Variants in MAPDA observed in about 807,000 individuals in gnomAD.
The protein encoded by MAPDA is N6,N6-dimethyl-AMP deaminase.
At chr15:43,337,957 A>G in the MAPDA span, among the ~76,000 whole-genome samples, 1 of 152,220 alleles carries the variant, frequency 6.6e-6, no homozygotes, top group African/African-American at 2.4e-5. Flanking sequence ...TTTATAGGGA[A>G]CCAAAAGGGC....
chr15:43,340,363 T>G, the MAPDA span: 1 of 1,606,246 alleles, frequency 6.2e-7, no homozygotes, highest in Non-Finnish European at 8.5e-7. Flanking sequence ...GTAGAATTTA[T>G]ACTTCTCAGC....
the MAPDA span, chr15:43,346,985 A>C: frequency 1.3e-5 from 21 of 1,574,484 alleles, no homozygotes; most frequent in Admixed American, 2.4e-4. Flanking sequence ...CAGAATTCTC[A>C]TGCATCCTTA....
chr15:43,347,855 G>T, the MAPDA span, among the ~76,000 whole-genome samples: 1 of 152,154 alleles, frequency 6.6e-6, no homozygotes, highest in East Asian at 1.9e-4. Flanking sequence ...TATCTTTCAT[G>T]TCTATAAGCA....
chr15:43,340,029 T>C, the MAPDA span, among the ~76,000 whole-genome samples: 2 of 152,302 alleles, frequency 1.3e-5, no homozygotes, highest in Admixed American at 1.3e-4. Context: ...GTAGCTGATG[T>C]GCAGATTGGG....
the MAPDA span, chr15:43,335,028 A>G: frequency 7.0e-7 from 1 of 1,429,220 alleles, no homozygotes; most frequent in East Asian, 2.3e-5. Context: ...ATTCAGTACC[A>G]TACAATTTAC....
At chr15:43,353,180 C>G in the MAPDA span, 5 of 152,132 alleles carry the variant, frequency 3.3e-5, no homozygotes, top group Non-Finnish European at 5.9e-5. Flanking sequence ...CCTACCCCTA[C>G]ATAATGGACC....
the MAPDA span, chr15:43,345,808 C>A: frequency 6.2e-7 from 1 of 1,610,410 alleles, no homozygotes; most frequent in Non-Finnish European, 8.5e-7. Flanking sequence ...TTGTCTTTTT[C>A]ATCTGTGTCA....
At chr15:43,344,266 A>G in the MAPDA span, among the ~76,000 whole-genome samples, 1 of 147,960 alleles carries the variant, frequency 6.8e-6, no homozygotes, top group African/African-American at 2.4e-5. Context: ...ATTAGAAAAT[A>G]GCTTAAAATA....
chr15:43,341,665 C>A, the MAPDA span, among the ~76,000 whole-genome samples: 2 of 151,114 alleles, frequency 1.3e-5, no homozygotes, highest in Non-Finnish European at 2.9e-5. Flanking sequence ...ATCATAAGAC[C>A]CCCCCCACCT....
the MAPDA span, chr15:43,340,151 A>G: frequency 2.1e-6 from 2 of 930,658 alleles, no homozygotes; most frequent in East Asian, 5.2e-5. Flanking sequence ...AGAAACTTCC[A>G]ACATTACTTG....
the MAPDA span, among the ~76,000 whole-genome samples, chr15:43,343,378 G>T: frequency 6.6e-6 from 1 of 152,186 alleles, no homozygotes; most frequent in African/African-American, 2.4e-5. Context: ...TGTTACTTCA[G>T]CAGCTCATCT....
the MAPDA span, among the ~76,000 whole-genome samples, chr15:43,340,737 C>A: frequency 6.6e-6 from 1 of 152,148 alleles, no homozygotes; most frequent in Non-Finnish European, 1.5e-5. Flanking sequence ...TAGTAAAATT[C>A]CAGTCAGGCA....
the MAPDA span, chr15:43,351,253 G>A: frequency 4.0e-6 from 2 of 505,180 alleles, no homozygotes; most frequent in South Asian, 4.8e-5. Context: ...TTGAACCCAG[G>A]AGGAGGAGGT....
the MAPDA span, among the ~76,000 whole-genome samples, chr15:43,334,633 T>TAATA: frequency 6.1e-5 from 4 of 65,142 alleles, no homozygotes; most frequent in Admixed American, 3.7e-4. Context: ...CTCAAAAAAA[T>TAATA]TATATATATA....
chr15:43,335,732 C>T, the MAPDA span: 1 of 1,613,718 alleles, frequency 6.2e-7, no homozygotes, highest in South Asian at 1.1e-5. Context: ...CATTAGTTCT[C>T]ATACCATGAA....
chr15:43,340,453 A>G, the MAPDA span: 8 of 930,050 alleles, frequency 8.6e-6, no homozygotes, highest in Non-Finnish European at 1.2e-5. Flanking sequence ...CTTTTATACT[A>G]TTGTGTTGTT....
At chr15:43,341,670 C>G in the MAPDA span, among the ~76,000 whole-genome samples, 3 of 151,710 alleles carry the variant, frequency 2.0e-5, no homozygotes, top group Admixed American at 6.6e-5. Context: ...AAGACCCCCC[C>G]CACCTCTATG....
At chr15:43,335,086 G>T in the MAPDA span, 2 of 1,611,876 alleles carry the variant, frequency 1.2e-6, no homozygotes, top group African/African-American at 2.7e-5. Flanking sequence ...GAGTGGAGAA[G>T]AATCATTTTT....
At chr15:43,332,855 A>G in the MAPDA span, among the ~76,000 whole-genome samples, 1 of 152,158 alleles carries the variant, frequency 6.6e-6, no homozygotes, top group Non-Finnish European at 1.5e-5. Flanking sequence ...ACTAACGTGG[A>G]TCTTATCCCA....
Sources: allele counts gnomAD v4.1 joint callset (sites outside exome capture counted in the v4.1 genomes callset), GRCh38; gene constraint gnomAD v4.1.1; transcripts MANE v1.5; gene names NCBI Gene and HGNC (gene_info 2026-07-23, HGNC 2026-07-21).